APBB2: variants seen among roughly 807,000 people sequenced by gnomAD.
APBB2 encodes amyloid beta precursor protein binding family B member 2.
A neutral mutation model predicts 82.5 loss-of-function variants in APBB2; 38 were observed. The ratio of observed to expected loss-of-function variants is 0.46; its 90% confidence interval spans 0.36 to 0.60. APBB2 has a LOEUF of 0.60. APBB2 is among the 20% of genes least tolerant of loss of function. The pLI, the probability that APBB2 is intolerant of heterozygous loss-of-function variation, is 0.00. For synonymous variants in APBB2, 341 were observed against 368.2 expected, an observed-to-expected ratio of 0.93 and a Z score of 0.85; for missense variants, 772 against 972.3, an observed-to-expected ratio of 0.79 and a Z score of 2.74.
intron 10 of APBB2, among the ~76,000 whole-genome samples, chr4:40,906,464 C>CAAAAAAA (rs5857755): frequency 2.2e-4 from 15 of 67,990 alleles, no homozygotes; most frequent in South Asian, 5.6e-4. Context: ...AAACCTGTCT[C>CAAAAAAA]AAAAAAAAAA....
At chr4:40,995,779 C>A (rs1803481408) in intron 6 of APBB2, among the ~76,000 whole-genome samples, 1 of 152,102 alleles carries the variant, frequency 6.6e-6, no homozygotes, top group African/African-American at 2.4e-5. Context: ...AAGTAATCCT[C>A]CTGCCTCACC....
intron 10 of APBB2, among the ~76,000 whole-genome samples, chr4:40,917,293 C>T (rs11729105): frequency 0.14 from 22,043 of 152,122 alleles, 2,080 homozygotes; most frequent in Middle Eastern, 0.21. Context: ...GAGCTGAACT[C>T]CAAGATTTCT....
At chr4:41,071,704 A>T (rs4861088) in intron 3 of APBB2, among the ~76,000 whole-genome samples, 51,253 of 151,774 alleles carry the variant, frequency 0.34, 10,274 homozygotes, top group East Asian at 0.7. Context: ...AAAATTTTTT[A>T]AAAAAAATCT....
chr4:40,968,991 G>T (rs185554336), intron 6 of APBB2, among the ~76,000 whole-genome samples: 2 of 152,100 alleles, frequency 1.3e-5, no homozygotes, highest in Non-Finnish European at 2.9e-5. Context: ...TTCTCCTTTC[G>T]CTTGGCTCTC....
intron 10 of APBB2, among the ~76,000 whole-genome samples, chr4:40,931,262 T>C (rs757353685): frequency 2.0e-5 from 3 of 152,124 alleles, no homozygotes; most frequent in Non-Finnish European, 4.4e-5. Context: ...ATGACTCCGA[T>C]AGGGGATGGA....
chr4:41,085,075 T>TC (rs1161378602), intron 3 of APBB2, among the ~76,000 whole-genome samples: 2 of 151,798 alleles, frequency 1.3e-5, no homozygotes, highest in Non-Finnish European at 2.9e-5. Flanking sequence ...ACAGTGAAAC[T>TC]CCATCTCTAC....
chr4:40,914,156 G>C (rs1779260861), intron 10 of APBB2, among the ~76,000 whole-genome samples: 1 of 152,078 alleles, frequency 6.6e-6, no homozygotes, highest in Admixed American at 6.5e-5. Context: ...GTATCACGAG[G>C]TCAGGAGATC....
chr4:41,035,223 T>C (rs976615169), intron 4 of APBB2, among the ~76,000 whole-genome samples: 3 of 152,234 alleles, frequency 2.0e-5, no homozygotes, highest in Admixed American at 6.5e-5. Context: ...AAGCTCTAAA[T>C]TCTAATCTAA....
chr4:41,084,969 G>T (rs183685051), intron 3 of APBB2, among the ~76,000 whole-genome samples: 164 of 152,090 alleles, frequency 1.1e-3, no homozygotes, highest in African/African-American at 3.7e-3. Context: ...TGAGACTGCC[G>T]GCCACGCACA....
intron 5 of APBB2, among the ~76,000 whole-genome samples, chr4:41,016,711 A>G (rs1810065039): frequency 6.6e-6 from 1 of 151,760 alleles, no homozygotes; most frequent in African/African-American, 2.4e-5. Context: ...TTGGGATCCC[A>G]TTACCCTATC....
chr4:41,024,318 G>A (rs1713052530), intron 5 of APBB2, among the ~76,000 whole-genome samples: 1 of 152,256 alleles, frequency 6.6e-6, no homozygotes, highest in Admixed American at 6.5e-5. Context: ...AAAACAAATT[G>A]ACAAGTGGGA....
At chr4:40,975,491 A>G (rs1796927995) in intron 6 of APBB2, among the ~76,000 whole-genome samples, 1 of 152,146 alleles carries the variant, frequency 6.6e-6, no homozygotes, top group African/African-American at 2.4e-5. Context: ...CTGCAATAGA[A>G]TTTCAGCTCC....
At chr4:41,168,047 G>A (rs1329726429) in intron 1 of APBB2, among the ~76,000 whole-genome samples, 2 of 152,084 alleles carry the variant, frequency 1.3e-5, no homozygotes, top group East Asian at 3.9e-4. Context: ...GAGGCGGGCG[G>A]ATCACGAGGT....
chr4:41,143,759 C>T (rs1759893779), intron 1 of APBB2, among the ~76,000 whole-genome samples: 1 of 152,188 alleles, frequency 6.6e-6, no homozygotes, highest in African/African-American at 2.4e-5. Flanking sequence ...CTACATAATC[C>T]AAAGGGGAAA....
chr4:41,050,824 G>C (rs1342617802), intron 4 of APBB2, among the ~76,000 whole-genome samples: 1 of 152,148 alleles, frequency 6.6e-6, no homozygotes, highest in Non-Finnish European at 1.5e-5. Flanking sequence ...TTTCCACAAA[G>C]GTATCAGCTA....
chr4:41,181,976 A>AAAGG (rs1217295176), intron 1 of APBB2, among the ~76,000 whole-genome samples: 1 of 151,924 alleles, frequency 6.6e-6, no homozygotes, highest in Non-Finnish European at 1.5e-5. Flanking sequence ...AAGAAAAAAG[A>AAAGG]AAGGGACTAC....
intron 6 of APBB2, among the ~76,000 whole-genome samples, chr4:40,982,273 AGAAAGAAAGAAGGAAG>A (rs1410306237): frequency 3.4e-5 from 1 of 29,106 alleles, no homozygotes; most frequent in Non-Finnish European, 7.1e-5. Flanking sequence ...AAAGAAAGAA[AGAAAGAAAGAAGGAAG>A]GAAGGAAGGA....
rs1471373650 is a variant in APBB2 at position 40,926,506 on chromosome 4, C to T, written c.1254+7950G>A. On this transcript the variant is annotated intron_variant, in intron 10 of 17. Coordinates refer to ENST00000508593, the MANE Select transcript of APBB2 (RefSeq NM_004307.2). ...TGTTGCCCAGGCTGGCATGCGGTGG[C>T]GCGATCTTGGTTCACTGCAACCTCT... 2.6e-5 allele frequency among the ~76,000 whole-genome samples: 4 copies of T among 151,760 alleles called. No homozygotes were observed. The East Asian group carries it at 5.8e-4, about 22-fold the overall frequency.
intron 6 of APBB2, among the ~76,000 whole-genome samples, chr4:40,998,755 T>G (rs1579117049): frequency 6.6e-6 from 1 of 152,148 alleles, no homozygotes; most frequent in African/African-American, 2.4e-5. Flanking sequence ...CTCTTGTGCT[T>G]TGGGTCATTA....
Sources: gnomAD v4.1 joint callset for allele counts (sites outside exome capture counted in the v4.1 genomes callset) on GRCh38, gnomAD v4.1.1 for gene constraint, MANE v1.5 for transcripts, NCBI Gene and HGNC (gene_info 2026-07-23, HGNC 2026-07-21) for gene names.